The following NOS1 variants were observed in gnomAD, a reference collection of about 807,000 sequenced individuals.
The protein encoded by NOS1 is NOS type I.
A neutral mutation model predicts 164.5 loss-of-function variants in NOS1; 51 were observed. The observed-to-expected ratio is 0.31, with a 90% CI of 0.25 to 0.39. The LOEUF (loss-of-function observed/expected upper bound fraction) is 0.39, where lower values mean the gene tolerates loss of function less well. Ranked by LOEUF, NOS1 falls within the 10% of genes least tolerant of loss-of-function variation. The probability of loss-of-function intolerance (pLI) is 1.00; values close to 1 mark genes in which losing one functional copy is unlikely to be tolerated. For missense variants in NOS1, 1,362 were observed against 1,885.6 expected (o/e 0.72, Z 5.14); for synonymous variants, 719 against 745.8 (o/e 0.96, Z 0.59).
chr12:117,340,871 CTATTTTT>C (rs1566083662), intron 1 of NOS1, among the ~76,000 whole-genome samples: 5 of 96,438 alleles, frequency 5.2e-5, no homozygotes, highest in Middle Eastern at 6.3e-3. Flanking sequence ...TCACACCTGG[CTATTTTT>C]TTTTTTTTTT....
chr12:117,244,798 A>C (rs1164701508), intron 18 of NOS1, among the ~76,000 whole-genome samples: 4 of 152,228 alleles, frequency 2.6e-5, no homozygotes, highest in African/African-American at 7.2e-5. Flanking sequence ...GAAGTCAGTC[A>C]CAAAAGACCA....
intron 20 of NOS1, among the ~76,000 whole-genome samples, chr12:117,241,518 T>G (rs1870178178): frequency 6.7e-6 from 1 of 150,326 alleles, no homozygotes; most frequent in Non-Finnish European, 1.5e-5. Context: ...GTGGGTAACC[T>G]GGTGAACCAA....
intron 1 of NOS1, among the ~76,000 whole-genome samples, chr12:117,336,849 G>A (rs1192365461): frequency 6.7e-6 from 1 of 149,450 alleles, no homozygotes; most frequent in African/African-American, 2.5e-5. Context: ...CAGGCTGGAG[G>A]GCAGTGGCAC....
intron 27 of NOS1, among the ~76,000 whole-genome samples, chr12:117,219,283 T>TTTTTGTTTTG (rs1156514167): frequency 6.7e-6 from 1 of 149,924 alleles, no homozygotes; most frequent in Non-Finnish European, 1.5e-5. Flanking sequence ...ACCCAGCCAT[T>TTTTTGTTTTG]TTTTGTTTTG....
At chr12:117,253,617 C>T (rs1448073935) in intron 17 of NOS1, 21 bp downstream of exon 17, 2 of 1,557,534 alleles carry the variant, frequency 1.3e-6, no homozygotes, top group East Asian at 4.5e-5. Flanking sequence ...TGACCCCCGA[C>T]CCCCTTATCC....
At chr12:117,354,564 T>C (rs919977600) in intron 1 of NOS1, among the ~76,000 whole-genome samples, 1 of 152,244 alleles carries the variant, frequency 6.6e-6, no homozygotes, top group Non-Finnish European at 1.5e-5. Flanking sequence ...TGTCAGTTGC[T>C]ATCGAGTACT....
rs1956552096 is a variant in NOS1, at chr12:117,213,022, T to C, written c.*2287A>G. On this transcript the variant is annotated 3_prime_UTR_variant, in exon 29 of 29. Transcript: ENST00000317775. ...AATCCTGGTTTTATAATCATTTCTT[T>C]GGACTCCTTGACAAAATGAGACAAT... 1.0e-6 allele frequency: 1 copy of C among 985,366 alleles called. No homozygotes were observed. The allele number at this position is 985,366 out of a possible 1,614,324, so 61.0% of individuals were successfully genotyped here. A position where few individuals can be genotyped will look rare whatever the true frequency, so the allele number is the denominator to read the frequency against.
rs774427200 is a variant in NOS1 at position 117,222,754 on chromosome 12, C to A, written c.3936G>T (p.Glu1312Asp). 9 of 1,613,776 alleles carry A rather than the reference C, an allele frequency of 5.6e-6. No individual in the cohort carries two copies. Among genetic ancestry groups the A allele is most frequent in the Non-Finnish European group, 5.1e-6 (6 of 1,179,970 alleles). The change falls in exon 26 of 29, where the codon GAG becomes GAT. Residue 1312 changes from glutamate (E) to aspartate (D), a missense_variant. Transcript: ENST00000317775. ...GCTCCCGGGAGTAAGCCGTGTACAG[C>A]TCTCTGAAGACCCCCTTGTTCTTGG... Reference protein sequence around the residue: ...LQAKNKGVFRELYTAYSREPD... With the variant: ...LQAKNKGVFRDLYTAYSREPD...
At chr12:117,260,407 C>T (rs1226697065) in intron 14 of NOS1, 58 bp downstream of exon 14, 1 of 1,591,748 alleles carries the variant, frequency 6.3e-7, no homozygotes, top group Non-Finnish European at 8.6e-7. Flanking sequence ...CCCTCTCTCC[C>T]CTTCCTGCCT....
chr12:117,212,351 G>A lies in NOS1; in HGVS notation c.*2958C>T, dbSNP rs1183079276. The A allele has an allele frequency of 1.6e-5, 16 of 985,208 alleles. No homozygotes were observed. Among genetic ancestry groups the A allele is most frequent in the Non-Finnish European group, 1.9e-5 (16 of 829,936 alleles). 61.0% of individuals were successfully genotyped at this position (985,208 alleles called of 1,614,324 possible). On this transcript the variant is annotated 3_prime_UTR_variant, in exon 29 of 29. Transcript: ENST00000317775. ...GGGCAGAATTAGGATTTGCACTCAG[G>A]TCGGCTCCCAAAATTCCATATTGAT...
In NOS1 at chr12:117,234,898, C is replaced by T. The variant is rs1018218641; in HGVS notation, c.3042-140G>A. ...GCCCGTGCTAACCAAGCCTATGCCC[C>T]CATCATTCTATTATTATTATTATTA... On this transcript the variant is annotated intron_variant, in intron 20 of 28. Coordinates refer to ENST00000317775, the MANE Select transcript of NOS1 (RefSeq NM_000620.5). The surrounding 1 kb of genome is among the most constrained non-coding windows in gnomAD (Gnocchi z 4.3). 9.4e-6 allele frequency: 5 copies of T among 530,128 alleles called. No individual in the cohort carries two copies. The highest frequency in any genetic ancestry group is 1.6e-5 in the Non-Finnish European group (5 of 314,022). 32.8% of individuals were successfully genotyped at this position (530,128 alleles called of 1,614,324 possible).
rs1290696943 is a variant in NOS1 at position 117,222,970 on chromosome 12, T to C, written c.3827-107A>G. 3 of 1,307,952 alleles carry C rather than the reference T, an allele frequency of 2.3e-6. No homozygotes were observed. The African/African-American group carries it at 4.4e-5, about 19-fold the overall frequency. The allele number at this position is 1,307,952 out of a possible 1,614,324, so 81.0% of individuals were successfully genotyped here. ...GAGACCTTAGCGTGTGCCATGCGGA[T>C]AGAGGCTCACAAACACTAGGACAGG... On this transcript the variant is annotated intron_variant, in intron 25 of 28. Transcript: ENST00000317775.
chr12:117,236,400 T>C (rs1367434290), intron 20 of NOS1, among the ~76,000 whole-genome samples: 3 of 152,032 alleles, frequency 2.0e-5, no homozygotes, highest in Non-Finnish European at 4.4e-5. Flanking sequence ...GCACATTATT[T>C]TGGGGGAGGA....
At position 117,208,391 on chromosome 12, in the gene NOS1, C is replaced by CGTGTGTGTGTGTGTGCGT. The variant is rs1555245777; in HGVS notation, c.*6917_*6918insACGCACACACACACACAC. ...GGGGGGACGGCCGAGTTTCTGACAG[C>CGTGTGTGTGTGTGTGCGT]GTGTGTGTGTGTGTGTGTGTGTGTG... On this transcript the variant is annotated 3_prime_UTR_variant, in exon 29 of 29. Transcript: ENST00000317775. 3.7e-6 allele frequency: 3 copies of CGTGTGTGTGTGTGTGCGT among 804,546 alleles called. No individual in the cohort carries two copies. The African/African-American group carries it at 5.7e-5, about 15-fold the overall frequency. 49.8% of individuals were successfully genotyped at this position (804,546 alleles called of 1,614,324 possible).
chr12:117,213,170 G>C lies in NOS1; in HGVS notation c.*2139C>G. The C allele has an allele frequency of 1.0e-6, 1 of 985,456 alleles. No homozygotes were observed. Among genetic ancestry groups the C allele is most frequent in the Non-Finnish European group, 1.2e-6 (1 of 829,950 alleles). The allele number at this position is 985,456 out of a possible 1,614,324, so 61.0% of individuals were successfully genotyped here. A position where few individuals can be genotyped will look rare whatever the true frequency, so the allele number is the denominator to read the frequency against. ...GCATTCCTGCATAAAGCTTGACTTG[G>C]AGTGGGAAGCACTGATCAATTTGTC... On this transcript the variant is annotated 3_prime_UTR_variant, in exon 29 of 29. Coordinates refer to ENST00000317775, the MANE Select transcript of NOS1 (RefSeq NM_000620.5).
chr12:117,296,701 CCTGA>C (rs1873442427), intron 3 of NOS1, among the ~76,000 whole-genome samples: 1 of 152,094 alleles, frequency 6.6e-6, no homozygotes, highest in Non-Finnish European at 1.5e-5. Flanking sequence ...TCTAGAGAAC[CCTGA>C]CTAATACAAA....
At chr12:117,260,747 G>A (rs1490804972) in intron 13 of NOS1, 138 bp from the exon 14 acceptor site, 3 of 827,214 alleles carry the variant, frequency 3.6e-6, no homozygotes, top group Admixed American at 3.0e-5. Flanking sequence ...TGGCTTCAGG[G>A]GTTTCCTCAG....
At position 117,210,712 on chromosome 12, in the gene NOS1, T is replaced by G; in HGVS notation, c.*4597A>C. 3 of 985,436 alleles carry G rather than the reference T, an allele frequency of 3.0e-6. No individual in the cohort carries two copies. Among genetic ancestry groups the G allele is most frequent in the Non-Finnish European group, 3.6e-6 (3 of 829,958 alleles). The allele number at this position is 985,436 out of a possible 1,614,324, so 61.0% of individuals were successfully genotyped here. ...GGGCAAGACCTGACCTCTTTCAAAG[T>G]CCAGAGCAGGCAGCTGCTGAAAGCG... On this transcript the variant is annotated 3_prime_UTR_variant, in exon 29 of 29. Coordinates refer to ENST00000317775, the MANE Select transcript of NOS1 (RefSeq NM_000620.5).
intron 28 of NOS1, among the ~76,000 whole-genome samples, chr12:117,215,871 T>A (rs1346124571): frequency 2.4e-5 from 1 of 40,936 alleles, no homozygotes; most frequent in African/African-American, 3.9e-4. Flanking sequence ...TAAAAGGACT[T>A]TTTTTTTTTT....
Sources: gnomAD v4.1 joint callset for allele counts (sites outside exome capture counted in the v4.1 genomes callset) on GRCh38, gnomAD v4.1.1 for gene constraint, Gnocchi (gnomAD v3.1) non-coding constraint, MANE v1.5 for transcripts, NCBI Gene and HGNC (gene_info 2026-07-23, HGNC 2026-07-21) for gene names.